Variants in STOX2 observed in about 807,000 individuals in gnomAD.
The protein encoded by STOX2 is storkhead-box protein 2.
In STOX2, 28 loss-of-function variants were observed where a neutral mutation model predicts 60.9. The ratio of observed to expected loss-of-function variants is 0.46; its 90% CI spans 0.34 to 0.63. The LOEUF is 0.63. STOX2 is among the 30% of genes least tolerant of loss of function. The pLI is 0.01. For synonymous variants in STOX2, 472 were observed against 463.9 expected, an observed-to-expected ratio of 1.02 and a Z score of -0.22; for missense variants, 1,024 against 1,187.7, an observed-to-expected ratio of 0.86 and a Z score of 2.03.
intron 1 of STOX2, among the ~76,000 whole-genome samples, chr4:183,841,879 G>A (rs1229446242): frequency 1.3e-5 from 2 of 152,138 alleles, no homozygotes; most frequent in African/African-American, 4.8e-5. Context: ...TTCCCATAGA[G>A]TCATACAATT....
At chr4:183,803,278 A>G (rs1326309015) in intron 1 of STOX2, among the ~76,000 whole-genome samples, 1 of 152,082 alleles carries the variant, frequency 6.6e-6, no homozygotes, top group Non-Finnish European at 1.5e-5. Flanking sequence ...CACAGCTCCA[A>G]ACCAAATCAC....
chr4:183,921,109 C>T (rs149312643), intron 1 of STOX2, among the ~76,000 whole-genome samples: 89 of 152,154 alleles, frequency 5.8e-4, no homozygotes, highest in Middle Eastern at 3.4e-3. Context: ...AGAGTTAGAC[C>T]GAACATTATT....
At chr4:183,940,232 G>T (rs930716553) in intron 1 of STOX2, among the ~76,000 whole-genome samples, 2 of 151,956 alleles carry the variant, frequency 1.3e-5, no homozygotes, top group Non-Finnish European at 2.9e-5. Flanking sequence ...AAATCAAGAC[G>T]CCCGGGTTCC....
At chr4:183,935,469 T>C (rs1417892216) in intron 1 of STOX2, among the ~76,000 whole-genome samples, 2 of 152,228 alleles carry the variant, frequency 1.3e-5, no homozygotes, top group African/African-American at 4.8e-5. Flanking sequence ...TATCTGCTTA[T>C]TCCAGAAAGA....
At chr4:183,953,827 A>G (rs1743166065) in intron 1 of STOX2, among the ~76,000 whole-genome samples, 1 of 152,090 alleles carries the variant, frequency 6.6e-6, no homozygotes, top group African/African-American at 2.4e-5. Flanking sequence ...CAGCCTCCCA[A>G]AGTGCTGGGA....
intron 1 of STOX2, among the ~76,000 whole-genome samples, chr4:183,953,811 C>T (rs375354737): frequency 6.6e-6 from 1 of 152,304 alleles, no homozygotes; most frequent in East Asian, 1.9e-4. Context: ...AGTGATCCAC[C>T]TGCCTCAGCC....
In STOX2 at chr4:183,928,823, A is replaced by G. The variant is rs188199941; in HGVS notation, c.166+21867A>G. Among the ~76,000 whole-genome samples, 351 of 152,194 alleles carry G rather than the reference A, an allele frequency of 2.3e-3. 1 individual carries two copies. Among genetic ancestry groups the G allele is most frequent in the Non-Finnish European group, 4.0e-3 (273 of 67,988 alleles). On this transcript the variant is annotated intron_variant, in intron 1 of 3. Transcript: ENST00000308497. ...TCCATCTCAGGAAAAAACAAACAAA[A>G]AAAAAACAACAAAAAAACTTGGTTT...
At chr4:183,846,007 C>A (rs1739981651) in intron 1 of STOX2, among the ~76,000 whole-genome samples, 1 of 152,138 alleles carries the variant, frequency 6.6e-6, no homozygotes, top group South Asian at 2.1e-4. Flanking sequence ...GTGACAAACC[C>A]TCTTGAGTTT....
At chr4:183,985,238 T>C (rs1459191933) in intron 1 of STOX2, among the ~76,000 whole-genome samples, 2 of 152,180 alleles carry the variant, frequency 1.3e-5, no homozygotes, top group Non-Finnish European at 2.9e-5. Context: ...TTGACATTTT[T>C]TTGTTTACAG....
At chr4:183,969,280 A>G (rs1334355950) in intron 1 of STOX2, among the ~76,000 whole-genome samples, 1 of 152,206 alleles carries the variant, frequency 6.6e-6, no homozygotes, top group Non-Finnish European at 1.5e-5. Context: ...TAAAAGTAAA[A>G]TGTGGAAGGA....
intron 1 of STOX2, among the ~76,000 whole-genome samples, chr4:183,980,653 C>T (rs544127241): frequency 9.2e-5 from 14 of 151,776 alleles, no homozygotes; most frequent in African/African-American, 3.1e-4. Flanking sequence ...CTTTACACTC[C>T]GTCTGGACTT....
At position 184,009,541 on chromosome 4, in the gene STOX2, C is replaced by T. The variant is rs1734044969; in HGVS notation, c.703C>T (p.Pro235Ser). The T allele has an allele frequency of 1.2e-6, 2 of 1,613,956 alleles. No homozygotes were observed. Among genetic ancestry groups the T allele is most frequent in the Non-Finnish European group, 8.5e-7 (1 of 1,179,860 alleles). The change falls in exon 3 of 4, where the codon CCA becomes TCA. Residue 235 changes from proline (P) to serine (S), a missense_variant. Physicochemically the swap from Pro to Ser is moderately conservative, Grantham distance 74. Transcript: ENST00000308497. This position sits in a 1 kb window ranked among gnomAD's most constrained non-coding sequence, Gnocchi z 4.0. Reference sequence around the variant, plus strand: ...CTGTCCCCCTTCTCTGTGCCAGGTGCCACCCACTGAAAAGAGCAAAAGTAC... The same window carrying T: ...CTGTCCCCCTTCTCTGTGCCAGGTGTCACCCACTGAAAAGAGCAAAAGTAC... ...PYCPPSLCQV[P>S]PTEKSKSTVN... is the part of the protein sequence containing the mutation.
rs201966662 is a variant in STOX2 at position 183,957,364 on chromosome 4, C to T, written c.167-43961C>T. ...TAGCTTGTTTTCCAACAGCCTTTGA[C>T]CCTGTGGTTTTATCATGCATCAGTA... On this transcript the variant is annotated intron_variant, in intron 1 of 3. Coordinates refer to ENST00000308497, the MANE Select transcript of STOX2 (RefSeq NM_020225.3). Among the ~76,000 whole-genome samples, 4 of 152,128 alleles carry T rather than the reference C, an allele frequency of 2.6e-5. No individual in the cohort carries two copies. The East Asian group carries it at 7.7e-4, about 29-fold the overall frequency.
At chr4:183,818,482 C>T (rs1376631117) in intron 1 of STOX2, among the ~76,000 whole-genome samples, 1 of 152,232 alleles carries the variant, frequency 6.6e-6, no homozygotes, top group African/African-American at 2.4e-5. Flanking sequence ...AATGGAGTCT[C>T]CTATGTCTAC....
Position 183,807,522 on chromosome 4 carries a change from C to T in STOX2, c.364+9467C>T, listed in dbSNP as rs367862192. On this transcript the variant is annotated intron_variant, in intron 1 of 2. Transcript: ENST00000513034. ...AGCCTCTCTGGCCACCGTGTCTCAT[C>T]GCCTTCCCTCTTTGTCATTTGGCTT... 2.0e-3 allele frequency among the ~76,000 whole-genome samples: 298 copies of T among 152,306 alleles called. 3 individuals carry two copies. Among genetic ancestry groups the T allele is most frequent in the African/African-American group, 6.7e-3 (280 of 41,556 alleles).
intron 1 of STOX2, among the ~76,000 whole-genome samples, chr4:183,814,759 G>A (rs540400098): frequency 6.6e-5 from 10 of 152,250 alleles, no homozygotes; most frequent in East Asian, 3.9e-4. Context: ...TGCACATTCC[G>A]TTTGTTGGGT....
intron 1 of STOX2, among the ~76,000 whole-genome samples, chr4:183,962,177 C>T (rs565562629): frequency 6.6e-6 from 1 of 152,322 alleles, no homozygotes; most frequent in South Asian, 2.1e-4. Context: ...ATTGGATCCT[C>T]TGTAGTGCAG....
rs1037687088 is a variant in STOX2, at chr4:184,020,994, C to G, written c.*3710C>G. ...TGGCGCAGCTTTGCAAAACTCTACC[C>G]AGGATAAACCACTTATCACCACCAA... On this transcript the variant is annotated 3_prime_UTR_variant, in exon 4 of 4. Transcript: ENST00000308497. 13 of 152,236 alleles carry G rather than the reference C, an allele frequency of 8.5e-5. No homozygotes were observed. The highest frequency in any genetic ancestry group is 1.9e-4 in the Non-Finnish European group (13 of 68,050). 9.4% of individuals were successfully genotyped at this position (152,236 alleles called of 1,614,324 possible).
chr4:183,960,137 C>T (rs1743369706), intron 1 of STOX2: 1 of 152,200 alleles, frequency 6.6e-6, no homozygotes, highest in South Asian at 2.1e-4. Flanking sequence ...AGGCTGCCAG[C>T]AAGCATGTCA....
Sources: gnomAD v4.1 joint callset for allele counts (sites outside exome capture counted in the v4.1 genomes callset) on GRCh38, gnomAD v4.1.1 for gene constraint, Gnocchi (gnomAD v3.1) non-coding constraint, MANE v1.5 for transcripts, NCBI Gene and HGNC (gene_info 2026-07-23, HGNC 2026-07-21) for gene names.